RGS22: variants seen among roughly 807,000 people sequenced by gnomAD.
RGS22 encodes the protein regulator of G-protein signaling 22.
Under a neutral mutation model 172.9 loss-of-function variants are expected in RGS22, and 148 were observed. That is an observed-to-expected ratio of 0.86 (90% CI 0.75 to 0.98). The LOEUF is 0.98. RGS22 is among the 50% of genes least tolerant of loss of function. The pLI is 0.00. For missense variants in RGS22, 1,347 were observed against 1,440.8 expected, an observed-to-expected ratio of 0.93 and a Z score of 1.05; for synonymous variants, 458 against 480.2, an observed-to-expected ratio of 0.95 and a Z score of 0.60.
intron 2 of RGS22, among the ~76,000 whole-genome samples, chr8:100,093,754 T>C (rs1009169099): frequency 6.6e-6 from 1 of 152,208 alleles, no homozygotes; most frequent in African/African-American, 2.4e-5. Context: ...TTTGCTACTA[T>C]ACTTAGTTGG....
chr8:99,968,936 T>G (rs1811045287), intron 23 of RGS22, among the ~76,000 whole-genome samples: 2 of 152,016 alleles, frequency 1.3e-5, no homozygotes, highest in South Asian at 4.2e-4. Context: ...CATCAGATTC[T>G]CCAAGGTTGA....
At chr8:100,025,394 A>C (rs1818071244) in intron 14 of RGS22, among the ~76,000 whole-genome samples, 1 of 152,168 alleles carries the variant, frequency 6.6e-6, no homozygotes, top group African/African-American at 2.4e-5. Flanking sequence ...AAGACACCAA[A>C]ATTTACCATA....
chr8:100,061,838 A>T (rs1490725484), intron 9 of RGS22, among the ~76,000 whole-genome samples: 1 of 152,218 alleles, frequency 6.6e-6, no homozygotes, highest in Non-Finnish European at 1.5e-5. Flanking sequence ...TTATAAAGAC[A>T]CATGCATGTG....
chr8:100,008,099 G>T (rs1196417459), intron 15 of RGS22, among the ~76,000 whole-genome samples: 1 of 150,174 alleles, frequency 6.7e-6, no homozygotes, highest in Non-Finnish European at 1.5e-5. Flanking sequence ...GTGCAATGGT[G>T]CGATCTTGGC....
intron 18 of RGS22, among the ~76,000 whole-genome samples, chr8:100,000,056 A>G (rs1240088060): frequency 5.3e-5 from 8 of 152,188 alleles, no homozygotes; most frequent in Admixed American, 5.2e-4. Flanking sequence ...TTTATAGATA[A>G]TAAGTACCAT....
rs1269159207 is a variant in RGS22, at chr8:100,063,705, C to A, written c.1063G>T (p.Asp355Tyr). ...FNNITKVSFDDCFESIHGKNF... is the reference protein window; with the variant it reads ...FNNITKVSFDYCFESIHGKNF... Reference sequence around the variant, plus strand: ...TTGCCATGAATAGACTCAAAACAATCATCAAATGACACTTTTGTTATATTG... The same window carrying A: ...TTGCCATGAATAGACTCAAAACAATAATCAAATGACACTTTTGTTATATTG... The change falls in exon 8 of 28, where the codon GAT (aspartate) becomes TAT (tyrosine). Residue 355 changes from aspartate to tyrosine, a missense_variant. Physicochemically the swap from Asp to Tyr is radical, Grantham distance 160. Coordinates refer to ENST00000360863, the MANE Select transcript of RGS22 (RefSeq NM_015668.5). 6.2e-7 allele frequency: 1 copy of A among 1,613,838 alleles called. No homozygotes were observed. Among genetic ancestry groups the A allele is most frequent in the Non-Finnish European group, 8.5e-7 (1 of 1,179,942 alleles).
intron 14 of RGS22, among the ~76,000 whole-genome samples, chr8:100,029,943 T>C (rs1249056828): frequency 6.6e-6 from 1 of 152,120 alleles, no homozygotes; most frequent in Non-Finnish European, 1.5e-5. Context: ...GTAAGTTAAA[T>C]AGCAGAATGA....
At chr8:100,064,172 TAAG>T (rs1810372478) in intron 7 of RGS22, 129 bp from the exon 8 acceptor site, 3 of 656,068 alleles carry the variant, frequency 4.6e-6, no homozygotes, top group Non-Finnish European at 7.0e-6. Context: ...ACCGGTGTCT[TAAG>T]AAGGATTCTG....
chr8:99,990,518 A>C (rs1813604697), intron 20 of RGS22, among the ~76,000 whole-genome samples: 1 of 152,182 alleles, frequency 6.6e-6, no homozygotes, highest in Non-Finnish European at 1.5e-5. Context: ...CATTCTTGGC[A>C]TGCAACGTGG....
At chr8:100,047,981 CA>C (rs1820907921) in intron 10 of RGS22, among the ~76,000 whole-genome samples, 3 of 151,410 alleles carry the variant, frequency 2.0e-5, no homozygotes, top group Non-Finnish European at 4.4e-5. Context: ...GTGCGGGTGT[CA>C]GCGGTCACAG....
At chr8:100,003,388 C>T (rs2131339529) in intron 17 of RGS22, among the ~76,000 whole-genome samples, 1 of 151,882 alleles carries the variant, frequency 6.6e-6, no homozygotes, top group South Asian at 2.1e-4. Context: ...TGAAATTTGG[C>T]TCCCAGATCT....
rs925684862 is a variant in RGS22, at chr8:100,025,683, T to A, written c.2166+13248A>T. ...GGAGCTAAACAATTAAGGTAATGGA[T>A]GACAGTGAGCAAAGGAAAAATAAAG... On this transcript the variant is annotated intron_variant, in intron 14 of 27. Transcript: ENST00000360863. Among the ~76,000 whole-genome samples, 11 of 152,296 alleles carry A rather than the reference T, an allele frequency of 7.2e-5. No homozygotes were observed. In the East Asian group the frequency reaches 1.7e-3, roughly 24 times the overall value.
chr8:100,057,211 C>T (rs1414728123), intron 9 of RGS22, among the ~76,000 whole-genome samples: 5 of 152,152 alleles, frequency 3.3e-5, no homozygotes, highest in East Asian at 1.9e-4. Context: ...GGTTTATTTA[C>T]GTCATTCCTG....
intron 21 of RGS22, among the ~76,000 whole-genome samples, chr8:99,984,203 C>A (rs746826955): frequency 3.9e-5 from 6 of 152,020 alleles, no homozygotes; most frequent in Non-Finnish European, 7.4e-5. Flanking sequence ...TGAGGATCAC[C>A]TGAGCCCAGG....
intron 7 of RGS22, among the ~76,000 whole-genome samples, chr8:100,064,641 A>C (rs1285602394): frequency 6.6e-6 from 1 of 152,192 alleles, no homozygotes; most frequent in Non-Finnish European, 1.5e-5. Context: ...GATATACAAA[A>C]ATACATTATG....
In RGS22 at chr8:100,088,316, T is replaced by G. The variant is rs533161996; in HGVS notation, c.117+5131A>C. Among the ~76,000 whole-genome samples the G allele has an allele frequency of 4.6e-5, 7 of 152,214 alleles. No homozygotes were observed. In the East Asian group the frequency reaches 1.4e-3, roughly 29 times the overall value. On this transcript the variant is annotated intron_variant, in intron 3 of 27. Transcript: ENST00000360863. The stretch of plus-strand genomic sequence containing the variant: ...TATAGAACAGGCCACCCCTTCAGCT[T>G]CTGCAAACTATAAATGTCACAAACA...
At chr8:100,047,334 TATC>T in intron 11 of RGS22, 126 bp downstream of exon 11, 2 of 759,338 alleles carry the variant, frequency 2.6e-6, no homozygotes, top group Non-Finnish European at 4.0e-6. Context: ...CTCTAATACA[TATC>T]ATTGAAAATT....
chr8:99,962,519 A>T (rs1270525774), intron 26 of RGS22, 76 bp from the exon 27 acceptor site: 1 of 1,516,552 alleles, frequency 6.6e-7, no homozygotes, highest in Non-Finnish European at 9.1e-7. Flanking sequence ...AGACAGAGAG[A>T]AGCAGGACTC....
At chr8:100,006,193 C>A in intron 15 of RGS22, 84 bp from the exon 16 acceptor site, 3 of 1,034,646 alleles carry the variant, frequency 2.9e-6, no homozygotes, top group South Asian at 3.0e-5. Flanking sequence ...ATACAGTTGC[C>A]AATAAAGGAA....
Sources: gnomAD v4.1 joint callset for allele counts (sites outside exome capture counted in the v4.1 genomes callset) on GRCh38, gnomAD v4.1.1 for gene constraint, MANE v1.5 for transcripts, NCBI Gene and HGNC (gene_info 2026-07-23, HGNC 2026-07-21) for gene names.